LIX1: variants seen among roughly 807,000 people sequenced by gnomAD.
LIX1 encodes limb and CNS expressed 1.
LIX1 carries 24 observed loss-of-function variants against 33.4 expected under a neutral mutation model. The observed-to-expected ratio is 0.72, with a 90% CI of 0.52 to 1.01. The LOEUF (loss-of-function observed/expected upper bound fraction) is 1.01, where lower values mean the gene tolerates loss of function less well. LIX1 is among the 50% of genes least tolerant of loss of function. LIX1 has a pLI of 0.00. For missense variants in LIX1, 311 were observed against 339.2 expected, an observed-to-expected ratio of 0.92 and a Z score of 0.65; for synonymous variants, 124 against 124.0, an observed-to-expected ratio of 1.00 and a Z score of 0.00.
intron 1 of LIX1, among the ~76,000 whole-genome samples, chr5:97,131,283 A>AT (rs1748051273): frequency 6.6e-6 from 1 of 152,012 alleles, no homozygotes; most frequent in Non-Finnish European, 1.5e-5. Flanking sequence ...TCTCCCTCCT[A>AT]TTTTGAGTGT....
intron 2 of LIX1, among the ~76,000 whole-genome samples, chr5:97,109,046 CTT>C (rs1286255664): frequency 6.6e-6 from 1 of 152,124 alleles, no homozygotes; most frequent in African/African-American, 2.4e-5. Flanking sequence ...ACGCTCCAGA[CTT>C]ATGCTCTCGT....
chr5:97,103,761 G>C (rs181747566), intron 4 of LIX1, among the ~76,000 whole-genome samples: 206 of 152,122 alleles, frequency 1.4e-3, no homozygotes, highest in Non-Finnish European at 2.0e-3. Flanking sequence ...GTCAGGAGAT[G>C]GAGACCATCC....
rs1747977157 is a variant in LIX1 at position 97,128,291 on chromosome 5, G to A, written c.83-3662C>T. On this transcript the variant is annotated intron_variant, in intron 1 of 5. Coordinates refer to ENST00000274382, the MANE Select transcript of LIX1 (RefSeq NM_153234.5). ...CTTATTTACTTGACTTCTTAGCTGT[G>A]TTTGATAAAGCTGATAACTTTCTTC... Among the ~76,000 whole-genome samples, 3 of 152,124 alleles carry A rather than the reference G, an allele frequency of 2.0e-5. No individual in the cohort carries two copies. The South Asian group carries it at 6.2e-4, about 31-fold the overall frequency.
At chr5:97,098,508 TAACTC>T (rs1746508850) in intron 4 of LIX1, among the ~76,000 whole-genome samples, 1 of 152,158 alleles carries the variant, frequency 6.6e-6, no homozygotes, top group African/African-American at 2.4e-5. Flanking sequence ...TATTGAAAAA[TAACTC>T]TATATGATCA....
At position 97,124,606 on chromosome 5, in the gene LIX1, C is replaced by T. The variant is rs756919264; in HGVS notation, c.106G>A (p.Glu36Lys). The T allele has an allele frequency of 7.3e-5, 118 of 1,610,660 alleles. 1 individual carries two copies. The South Asian group carries it at 1.2e-3, about 16-fold the overall frequency. ...TGCTGCTGCTTGCTTTCCCAAAATT[C>T]CTGTAACATTGACACAACGTTCACT... ...KDLNVVSMLQ[E>K]FWESKQQQKA... is the part of the protein sequence containing the mutation. Residue 36 changes from glutamate (E) to lysine (K), a missense_variant, in exon 2 of 6, where the codon GAA becomes AAA. Coordinates refer to ENST00000274382, the MANE Select transcript of LIX1 (RefSeq NM_153234.5).
chr5:97,110,321 T>C (rs1001954837), intron 2 of LIX1, among the ~76,000 whole-genome samples: 2 of 152,006 alleles, frequency 1.3e-5, no homozygotes, highest in African/African-American at 4.8e-5. Context: ...AATTAAAAAA[T>C]AACAAAAACC....
chr5:97,105,392 C>A (rs911503297), intron 3 of LIX1, 107 bp from the exon 4 acceptor site: 1 of 827,984 alleles, frequency 1.2e-6, no homozygotes, highest in Non-Finnish European at 2.0e-6. Context: ...TTTGGTCTAA[C>A]CTGAACAGAT....
chr5:97,123,579 C>A (rs1287983460), intron 2 of LIX1, among the ~76,000 whole-genome samples: 1 of 152,208 alleles, frequency 6.6e-6, no homozygotes, highest in East Asian at 1.9e-4. Context: ...TCGTTTAAAT[C>A]CAAAGCATCT....
intron 1 of LIX1, among the ~76,000 whole-genome samples, chr5:97,141,127 AT>A (rs11294778): frequency 0.24 from 36,577 of 149,432 alleles, 4,761 homozygotes; most frequent in Admixed American, 0.35. Flanking sequence ...CGTCCCCCCT[AT>A]TTTTTTTTTA....
intron 1 of LIX1, among the ~76,000 whole-genome samples, chr5:97,125,601 G>T (rs1024276870): frequency 3.9e-5 from 6 of 152,178 alleles, no homozygotes; most frequent in Non-Finnish European, 8.8e-5. Context: ...TTCCTGTAAG[G>T]TTCATGCAGA....
At chr5:97,142,458 T>TA in intron 1 of LIX1, 37 bp downstream of exon 1, 1 of 1,487,614 alleles carries the variant, frequency 6.7e-7, no homozygotes, top group Non-Finnish European at 9.4e-7. Flanking sequence ...GACTATTTTC[T>TA]AAAAAGTCAA....
intron 1 of LIX1, among the ~76,000 whole-genome samples, chr5:97,139,919 C>T (rs1324831475): frequency 6.6e-6 from 1 of 152,084 alleles, no homozygotes; most frequent in Non-Finnish European, 1.5e-5. Context: ...TGCAAAATAC[C>T]ATTTGAAGAG....
intron 1 of LIX1, among the ~76,000 whole-genome samples, chr5:97,137,560 C>T (rs550829567): frequency 1.1e-4 from 16 of 151,678 alleles, no homozygotes; most frequent in African/African-American, 3.6e-4. Flanking sequence ...ATAATTAGGC[C>T]CTATGATAAA....
chr5:97,123,928 C>T (rs1747847143), intron 2 of LIX1, among the ~76,000 whole-genome samples: 1 of 152,152 alleles, frequency 6.6e-6, no homozygotes, highest in African/African-American at 2.4e-5. Flanking sequence ...CCAGAGGCAG[C>T]ATAGGTTTGT....
intron 2 of LIX1, among the ~76,000 whole-genome samples, chr5:97,112,536 T>C (rs898559845): frequency 6.6e-6 from 1 of 152,232 alleles, no homozygotes; most frequent in East Asian, 1.9e-4. Flanking sequence ...GTGTCTTTTC[T>C]GTTAACCATT....
At chr5:97,134,726 AC>A (rs548713425) in intron 1 of LIX1, among the ~76,000 whole-genome samples, 17 of 152,290 alleles carry the variant, frequency 1.1e-4, no homozygotes, top group African/African-American at 3.8e-4. Flanking sequence ...GCTTAGCTGA[AC>A]CCCAGGACAC....
intron 1 of LIX1, among the ~76,000 whole-genome samples, chr5:97,136,875 A>T (rs1429251103): frequency 6.6e-6 from 1 of 152,132 alleles, no homozygotes; most frequent in African/African-American, 2.4e-5. Flanking sequence ...TTCTTTTAAA[A>T]TAGAAATGTT....
chr5:97,124,642 A>G lies in LIX1; in HGVS notation c.83-13T>C. ...GACACAACGTTCACTGAAAAAGACA[A>G]GAAACACCATCAGTTATTAAGGATG... On this transcript the variant is annotated splice_polypyrimidine_tract_variant and intron_variant, in intron 1 of 5. Coordinates refer to ENST00000274382, the MANE Select transcript of LIX1 (RefSeq NM_153234.5). The G allele has an allele frequency of 6.2e-7, 1 of 1,602,612 alleles. No homozygotes were observed. The highest frequency in any genetic ancestry group is 8.5e-7 in the Non-Finnish European group (1 of 1,173,352).
Position 97,094,093 on chromosome 5 carries a change from T to G in LIX1, c.*655A>C, listed in dbSNP as rs1746213781. 1 of 152,340 alleles carries G rather than the reference T, an allele frequency of 6.6e-6. No individual in the cohort carries two copies. Among genetic ancestry groups the G allele is most frequent in the South Asian group, 2.1e-4 (1 of 4,820 alleles). 9.4% of individuals were successfully genotyped at this position (152,340 alleles called of 1,614,324 possible). ...TCTAGGTGATATTTATCCCCATATA[T>G]GGAAGAGTGTGGGTTTTAAAAATTA... On this transcript the variant is annotated 3_prime_UTR_variant, in exon 6 of 6. Transcript: ENST00000274382.
Sources: gnomAD v4.1 joint callset for allele counts (sites outside exome capture counted in the v4.1 genomes callset) on GRCh38, gnomAD v4.1.1 for gene constraint, MANE v1.5 for transcripts, NCBI Gene and HGNC (gene_info 2026-07-23, HGNC 2026-07-21) for gene names.